Variants in HSD17B14 observed in about 807,000 individuals in gnomAD.
HSD17B14 encodes the protein L-fucose dehydrogenase.
HSD17B14 carries 32 observed loss-of-function variants against 32.2 expected under a neutral mutation model. The ratio of observed to expected loss-of-function variants is 0.99; its 90% CI spans 0.75 to 1.33. HSD17B14 has a LOEUF of 1.33. Among genes scored for constraint, HSD17B14 ranks in the 40% most tolerant of loss-of-function variants. The probability of loss-of-function intolerance (pLI) is 0.00; values close to 1 mark genes in which losing one functional copy is unlikely to be tolerated. For synonymous variants in HSD17B14, 140 were observed against 155.4 expected (o/e 0.90, Z 0.74); for missense variants, 370 against 366.5 (o/e 1.01, Z -0.08).
chr19:48,824,410 G>A (rs1391498595), intron 5 of HSD17B14, among the ~76,000 whole-genome samples: 3 of 148,910 alleles, frequency 2.0e-5, no homozygotes, highest in African/African-American at 7.5e-5. Context: ...CTCACCAGCT[G>A]GGAAGACAAG....
intron 6 of HSD17B14, 142 bp from the exon 7 acceptor site, chr19:48,813,872 G>A: frequency 2.3e-6 from 2 of 857,604 alleles, no homozygotes; most frequent in East Asian, 2.6e-5. Flanking sequence ...CACCAGGCTT[G>A]GTTTCTTGGG....
At chr19:48,832,954 T>C (rs78970396) in intron 3 of HSD17B14, among the ~76,000 whole-genome samples, 1 of 151,218 alleles carries the variant, frequency 6.6e-6, no homozygotes, top group East Asian at 2.0e-4. Context: ...AGGGATTCAC[T>C]AGGTTAGCCA....
intron 5 of HSD17B14, among the ~76,000 whole-genome samples, chr19:48,824,357 G>A (rs2122769712): frequency 6.7e-6 from 1 of 149,532 alleles, no homozygotes; most frequent in South Asian, 2.1e-4. Flanking sequence ...GATCCCTTGA[G>A]CCCAAGAGTT....
intron 6 of HSD17B14, among the ~76,000 whole-genome samples, chr19:48,814,383 G>A (rs941137313): frequency 1.3e-5 from 2 of 151,736 alleles, no homozygotes; most frequent in African/African-American, 2.4e-5. Flanking sequence ...CTAGCTGGGC[G>A]TGGTGACAGC....
At chr19:48,813,598 C>T in intron 7 of HSD17B14, 46 bp from the exon 8 acceptor site, 1 of 1,611,614 alleles carries the variant, frequency 6.2e-7, no homozygotes, top group Non-Finnish European at 8.5e-7. Flanking sequence ...TCTCGAACCA[C>T]TTGGGATCAC....
At chr19:48,833,002 G>A (rs937299266) in intron 3 of HSD17B14, among the ~76,000 whole-genome samples, 3 of 151,600 alleles carry the variant, frequency 2.0e-5, no homozygotes, top group Admixed American at 1.3e-4. Flanking sequence ...TGATCCACCC[G>A]CCTCAGCCTC....
At chr19:48,816,647 G>C (rs540472037) in intron 5 of HSD17B14, among the ~76,000 whole-genome samples, 1 of 152,146 alleles carries the variant, frequency 6.6e-6, no homozygotes, top group East Asian at 1.9e-4. Flanking sequence ...GTCTTCCCTG[G>C]CTATACTGTT....
intron 5 of HSD17B14, among the ~76,000 whole-genome samples, chr19:48,816,779 T>TTTACTTTCTTTCTTTC: frequency 8.2e-6 from 1 of 122,284 alleles, no homozygotes; most frequent in African/African-American, 3.3e-5. Context: ...GCAAGACCCT[T>TTTACTTTCTTTCTTTC]TTTCTTTCTT....
chr19:48,836,416 T>G lies in HSD17B14; in HGVS notation c.-5A>C. ...ATAGCGCGTTCCCGTAGCCATCCCGTGTACGTCGGTCTCTCTCTCTCTCTA... is the reference window on the plus strand; with the variant it reads ...ATAGCGCGTTCCCGTAGCCATCCCGGGTACGTCGGTCTCTCTCTCTCTCTA... On this transcript the variant is annotated 5_prime_UTR_variant, in exon 1 of 9. Coordinates refer to ENST00000263278, the MANE Select transcript of HSD17B14 (RefSeq NM_016246.3). 1 of 1,612,626 alleles carries G rather than the reference T, an allele frequency of 6.2e-7. No homozygotes were observed. Among genetic ancestry groups the G allele is most frequent in the Non-Finnish European group, 8.5e-7 (1 of 1,179,952 alleles).
At chr19:48,826,932 G>A (rs1056406881) in intron 5 of HSD17B14, among the ~76,000 whole-genome samples, 1 of 152,026 alleles carries the variant, frequency 6.6e-6, no homozygotes, top group Non-Finnish European at 1.5e-5. Flanking sequence ...ACGTCCACCA[G>A]GCAGTTCATG....
chr19:48,817,409 G>A lies in HSD17B14; in HGVS notation c.370-2268C>T, dbSNP rs138196906. 6.1e-3 allele frequency among the ~76,000 whole-genome samples: 908 copies of A among 149,040 alleles called. 4 individuals carry two copies. The highest frequency in any genetic ancestry group is 9.1e-3 in the Admixed American group (137 of 14,974). On this transcript the variant is annotated intron_variant, in intron 5 of 8. Transcript: ENST00000263278. ...AGCCAGGCTGGTCTTGAACTCCTGA[G>A]GTCAAGTAATCTGCCTGCTTCGGCC...
At chr19:48,826,542 T>TATATATATATATACACAC in intron 5 of HSD17B14, among the ~76,000 whole-genome samples, 35 of 80,104 alleles carry the variant, frequency 4.4e-4, no homozygotes, top group African/African-American at 1.6e-3. Context: ...TATATATATA[T>TATATATATATATACACAC]ACACACACAC....
At chr19:48,814,974 G>T in intron 6 of HSD17B14, 63 bp downstream of exon 6, 2 of 1,306,500 alleles carry the variant, frequency 1.5e-6, no homozygotes, top group South Asian at 1.2e-5. Flanking sequence ...AAGTTGTCTG[G>T]ACTCAAAGCC....
At chr19:48,826,548 C>T (rs1168597824) in intron 5 of HSD17B14, among the ~76,000 whole-genome samples, 1,205 of 22,474 alleles carry the variant, frequency 0.054, 15 homozygotes, top group African/African-American at 0.083. Flanking sequence ...TATATACACA[C>T]ACACACACAC....
At chr19:48,815,382 C>T (rs997558819) in intron 5 of HSD17B14, among the ~76,000 whole-genome samples, 4 of 152,068 alleles carry the variant, frequency 2.6e-5, no homozygotes, top group Non-Finnish European at 5.9e-5. Context: ...TCTCTCTTCT[C>T]CTCGGTCTCT....
chr19:48,821,484 T>C (rs929238719), intron 5 of HSD17B14, among the ~76,000 whole-genome samples: 1 of 152,166 alleles, frequency 6.6e-6, no homozygotes, highest in African/African-American at 2.4e-5. Context: ...TCACAAACTT[T>C]GGCTTGTATC....
intron 2 of HSD17B14, among the ~76,000 whole-genome samples, chr19:48,835,143 G>A (rs1164179532): frequency 3.6e-4 from 1 of 2,752 alleles, no homozygotes; most frequent in African/African-American, 3.7e-3. Context: ...GTCTGAGGGA[G>A]GAGGGGCTGA....
intron 5 of HSD17B14, among the ~76,000 whole-genome samples, chr19:48,822,124 CTGATGT>C (rs1055951606): frequency 7.5e-6 from 1 of 133,716 alleles, no homozygotes; most frequent in African/African-American, 2.9e-5. Context: ...GATGGTGATG[CTGATGT>C]TGATGGTGAT....
intron 5 of HSD17B14, among the ~76,000 whole-genome samples, chr19:48,829,978 T>G (rs2035310513): frequency 6.6e-6 from 1 of 150,668 alleles, no homozygotes. Context: ...AATGAATTAT[T>G]TTTTTTTTGA....
Sources: gnomAD v4.1 joint callset for allele counts (sites outside exome capture counted in the v4.1 genomes callset) on GRCh38, gnomAD v4.1.1 for gene constraint, MANE v1.5 for transcripts, NCBI Gene and HGNC (gene_info 2026-07-23, HGNC 2026-07-21) for gene names.